The following KLF12 variants were observed in gnomAD, a reference collection of about 807,000 sequenced individuals.
KLF12 encodes the protein KLF transcription factor 12, also known as Krueppel-like factor 12.
In KLF12, 9 loss-of-function variants were observed where a neutral mutation model predicts 37.8. That is an observed-to-expected ratio of 0.24 (90% CI 0.14 to 0.42). KLF12 has a LOEUF of 0.42. KLF12 is among the 10% of genes least tolerant of loss of function. KLF12 has a pLI of 1.00. For synonymous variants in KLF12, 208 were observed against 202.1 expected, an observed-to-expected ratio of 1.03 and a Z score of -0.25; for missense variants, 411 against 516.0, an observed-to-expected ratio of 0.80 and a Z score of 1.97.
chr13:73,793,921 AT>A (rs989090746), intron 5 of KLF12, among the ~76,000 whole-genome samples: 1 of 152,248 alleles, frequency 6.6e-6, no homozygotes. Flanking sequence ...CCAAGAAGTT[AT>A]ATTTACACAG....
At chr13:73,850,558 G>A (rs886145067) in intron 3 of KLF12, among the ~76,000 whole-genome samples, 5 of 152,086 alleles carry the variant, frequency 3.3e-5, no homozygotes, top group East Asian at 3.8e-4. Flanking sequence ...AAATATGTCC[G>A]GATACTACTC....
intron 4 of KLF12, among the ~76,000 whole-genome samples, chr13:73,816,669 A>G (rs1039521199): frequency 3.3e-5 from 5 of 152,240 alleles, no homozygotes; most frequent in Non-Finnish European, 5.9e-5. Flanking sequence ...CCACTTCTCA[A>G]CAATGACTCT....
At chr13:74,235,395 C>T in the KLF12 span, among the ~76,000 whole-genome samples, 1 of 152,178 alleles carries the variant, frequency 6.6e-6, no homozygotes, top group Non-Finnish European at 1.5e-5. Context: ...ATTTTCTGCA[C>T]TTCCCTATGT....
chr13:74,048,640 G>A (rs1893609289), intron 1 of KLF12, among the ~76,000 whole-genome samples: 1 of 151,922 alleles, frequency 6.6e-6, no homozygotes, highest in South Asian at 2.1e-4. Flanking sequence ...GAATAGATAA[G>A]GAAATAAGTC....
At position 73,693,639 on chromosome 13, in the gene KLF12, C is replaced by T. The variant is rs966191682; in HGVS notation, c.*1851G>A. 11 of 152,436 alleles carry T rather than the reference C, an allele frequency of 7.2e-5. No individual in the cohort carries two copies. Among genetic ancestry groups the T allele is most frequent in the South Asian group, 2.1e-4 (1 of 4,818 alleles). 9.4% of individuals were successfully genotyped at this position (152,436 alleles called of 1,614,324 possible). On this transcript the variant is annotated 3_prime_UTR_variant, in exon 8 of 8. Transcript: ENST00000377669. Reference sequence around the variant, plus strand: ...ATCCTAAAAAGGGTAATTCTGTAACCGGAAATTATTTCAGAATGTCCAGAC... The same window carrying T: ...ATCCTAAAAAGGGTAATTCTGTAACTGGAAATTATTTCAGAATGTCCAGAC...
At chr13:73,992,266 T>A (rs1886513) in intron 2 of KLF12, among the ~76,000 whole-genome samples, 1 of 152,034 alleles carries the variant, frequency 6.6e-6, no homozygotes, top group East Asian at 1.9e-4. Context: ...TGAAATACGC[T>A]GAAGTGTGTA....
At chr13:73,725,267 A>G (rs752014094) in intron 6 of KLF12, among the ~76,000 whole-genome samples, 18 of 151,944 alleles carry the variant, frequency 1.2e-4, no homozygotes, top group Non-Finnish European at 2.5e-4. Flanking sequence ...CACCCAGCTA[A>G]TTTTTGTATG....
intron 6 of KLF12, among the ~76,000 whole-genome samples, chr13:73,729,869 G>C (rs1876932861): frequency 6.6e-6 from 1 of 152,092 alleles, no homozygotes; most frequent in Non-Finnish European, 1.5e-5. Flanking sequence ...TGATAATCTA[G>C]TAAAGTGTAG....
the KLF12 span, among the ~76,000 whole-genome samples, chr13:74,193,106 G>A: frequency 6.6e-6 from 1 of 151,638 alleles, no homozygotes; most frequent in African/African-American, 2.4e-5. Context: ...AGCCTCCCGA[G>A]TAGTTGGGAT....
At chr13:74,008,102 T>C (rs1246568649) in intron 1 of KLF12, among the ~76,000 whole-genome samples, 2 of 152,352 alleles carry the variant, frequency 1.3e-5, no homozygotes, top group East Asian at 1.9e-4. Context: ...GGTAGTTACA[T>C]GGATGTGTTC....
the KLF12 span, among the ~76,000 whole-genome samples, chr13:74,181,931 T>C: frequency 1.3e-5 from 2 of 152,138 alleles, no homozygotes; most frequent in African/African-American, 2.4e-5. Flanking sequence ...TGTGTGTGAG[T>C]TTGTGTATGT....
intron 5 of KLF12, among the ~76,000 whole-genome samples, chr13:73,806,897 C>T (rs1468447073): frequency 6.6e-6 from 1 of 151,844 alleles, no homozygotes; most frequent in Non-Finnish European, 1.5e-5. Flanking sequence ...CACCATCATA[C>T]ATGAGGAGAT....
intron 3 of KLF12, among the ~76,000 whole-genome samples, chr13:73,927,271 ACTC>A (rs1889436525): frequency 6.6e-6 from 1 of 151,698 alleles, no homozygotes; most frequent in South Asian, 2.1e-4. Flanking sequence ...CCCCTTGATC[ACTC>A]CTCTCCTCCC....
intron 6 of KLF12, among the ~76,000 whole-genome samples, chr13:73,747,065 C>T (rs1470483854): frequency 6.6e-6 from 1 of 152,124 alleles, no homozygotes; most frequent in Non-Finnish European, 1.5e-5. Context: ...GATCCACCTG[C>T]CTCAGCCTCC....
chr13:74,019,120 A>G (rs1458164185), intron 1 of KLF12, among the ~76,000 whole-genome samples: 9 of 152,212 alleles, frequency 5.9e-5, no homozygotes, highest in Admixed American at 3.9e-4. Context: ...CTCACAATTG[A>G]GGCAAACTAA....
intron 3 of KLF12, among the ~76,000 whole-genome samples, chr13:73,910,824 G>A (rs746459012): frequency 6.6e-6 from 1 of 152,150 alleles, no homozygotes; most frequent in Non-Finnish European, 1.5e-5. Flanking sequence ...TCCATTCATA[G>A]ATTAATTGAA....
chr13:73,795,625 T>C (rs1881917253), intron 5 of KLF12, among the ~76,000 whole-genome samples: 1 of 152,166 alleles, frequency 6.6e-6, no homozygotes, highest in Non-Finnish European at 1.5e-5. Flanking sequence ...TATAAACAAT[T>C]AACTAAATAA....
At chr13:74,295,500 T>C in the KLF12 span, among the ~76,000 whole-genome samples, 1 of 152,164 alleles carries the variant, frequency 6.6e-6, no homozygotes, top group Non-Finnish European at 1.5e-5. Flanking sequence ...CAAACCACTG[T>C]GATTATGCCT....
intron 3 of KLF12, among the ~76,000 whole-genome samples, chr13:73,911,968 G>A (rs984102922): frequency 1.3e-5 from 2 of 152,136 alleles, no homozygotes; most frequent in African/African-American, 4.8e-5. Context: ...TGTGTCCAGG[G>A]CTTGCTTTTT....
Sources: gnomAD v4.1 joint callset for allele counts (sites outside exome capture counted in the v4.1 genomes callset) on GRCh38, gnomAD v4.1.1 for gene constraint, MANE v1.5 for transcripts, NCBI Gene and HGNC (gene_info 2026-07-23, HGNC 2026-07-21) for gene names.